SMIM18: variants seen among roughly 807,000 people sequenced by gnomAD.
SMIM18 encodes the protein small integral membrane protein 18.
In SMIM18, 4 loss-of-function variants were observed where a neutral mutation model predicts 5.9. The observed-to-expected ratio is 0.68, with a 90% CI of 0.33 to 1.56. The LOEUF is 1.56. Among genes scored for constraint, SMIM18 ranks in the 40% most tolerant of loss-of-function variants. SMIM18 has a pLI of 0.06. For missense variants in SMIM18, 89 were observed against 109.7 expected, an observed-to-expected ratio of 0.81 and a Z score of 0.84; for synonymous variants, 37 against 37.4, an observed-to-expected ratio of 0.99 and a Z score of 0.04.
In SMIM18 at chr8:30,644,479, AT is replaced by A. The variant is rs748235072; in HGVS notation, c.-110-8del. On this transcript the variant is annotated splice_polypyrimidine_tract_variant and intron_variant, in intron 1 of 2. Transcript: ENST00000517349. ...CATTATTTGGTTTTCTTTCTCTACT[AT>A]TTTTCACTCAGCCACTATTTCTGAT... 6.6e-6 allele frequency: 1 copy of A among 151,950 alleles called. No homozygotes were observed. The highest frequency in any genetic ancestry group is 1.9e-4 in the East Asian group (1 of 5,194). 9.4% of individuals were successfully genotyped at this position (151,950 alleles called of 1,614,324 possible).
At position 30,645,449 on chromosome 8, in the gene SMIM18, T is replaced by C; in HGVS notation, c.140T>C (p.Val47Ala). 3 of 1,535,708 alleles carry C rather than the reference T, an allele frequency of 2.0e-6. No individual in the cohort carries two copies. The highest frequency in any genetic ancestry group is 1.7e-4 in the Middle Eastern group (1 of 5,990). The change falls in exon 3 of 3, where the codon GTA (valine) becomes GCA (alanine). Residue 47 changes from valine (V) to alanine (A), a missense_variant. Val to Ala is a moderately conservative substitution (Grantham distance 64). Transcript: ENST00000517349. Reference protein sequence around the residue: ...VILLLFIFTVVSLVVLAFLYE... With the variant: ...VILLLFIFTVASLVVLAFLYE... ...CTGCTTTTATTTATATTTACAGTGG[T>C]ATCTTTAGTGGTGCTGGCTTTCCTT...
At chr8:30,638,701 T>C (rs1371539843) in intron 1 of SMIM18, 62 bp downstream of exon 1, 1 of 152,584 alleles carries the variant, frequency 6.6e-6, no homozygotes, top group Non-Finnish European at 1.5e-5. Flanking sequence ...TAGGAAAATA[T>C]TTTACCCTGA....
chr8:30,644,880 A>G (rs1018097529), intron 2 of SMIM18, among the ~76,000 whole-genome samples: 5 of 151,906 alleles, frequency 3.3e-5, no homozygotes, highest in Non-Finnish European at 7.4e-5. Flanking sequence ...CCTCCCAAGC[A>G]GCTGGGACTA....
rs1432875170 is a variant in SMIM18 at position 30,645,792 on chromosome 8, T to A, written c.*195T>A. ...CATTTCATTAAATATACAGTAAAAC[T>A]TCATGAATGTGAATTTACTAATCTG... On this transcript the variant is annotated 3_prime_UTR_variant, in exon 3 of 3. Coordinates refer to ENST00000517349, the MANE Select transcript of SMIM18 (RefSeq NM_001206847.2). The A allele has an allele frequency of 1.8e-6, 1 of 553,738 alleles. No homozygotes were observed. The highest frequency in any genetic ancestry group is 3.4e-5 in the Admixed American group (1 of 29,372). The allele number at this position is 553,738 out of a possible 1,614,324, so 34.3% of individuals were successfully genotyped here.
rs567755476 is a variant in SMIM18 at position 30,643,073 on chromosome 8, C to A, written c.-110-1419C>A. Among the ~76,000 whole-genome samples, 6 of 152,134 alleles carry A rather than the reference C, an allele frequency of 3.9e-5. No individual in the cohort carries two copies. The South Asian group carries it at 1.2e-3, about 32-fold the overall frequency. ...CCATCCAGAGAGGTGAAGTGACTTA[C>A]CAAGCAAACCTAAGAAAACAAAAAC... On this transcript the variant is annotated intron_variant, in intron 1 of 2. Coordinates refer to ENST00000517349, the MANE Select transcript of SMIM18 (RefSeq NM_001206847.2).
chr8:30,640,902 G>A (rs1801797206), intron 1 of SMIM18, among the ~76,000 whole-genome samples: 1 of 152,122 alleles, frequency 6.6e-6, no homozygotes, highest in Admixed American at 6.5e-5. Context: ...ACGGAGTTTC[G>A]CCATGTTGGT....
Position 30,645,499 on chromosome 8 carries a change from T to C in SMIM18, c.190T>C (p.Cys64Arg), listed in dbSNP as rs1417768590. The change falls in exon 3 of 3, where the codon TGT becomes CGT. Residue 64 changes from cysteine (C) to arginine (R), a missense_variant. Transcript: ENST00000517349. ...FLYEVLDCCC[C>R]VKNKTVKDLK... is the part of the protein sequence containing the mutation. ...TTATGAAGTGCTTGACTGCTGCTGC[T>C]GTGTAAAAAACAAAACCGTGAAAGA... 2.0e-5 allele frequency: 30 copies of C among 1,535,674 alleles called. No individual in the cohort carries two copies. Among genetic ancestry groups the C allele is most frequent in the Non-Finnish European group, 2.6e-5 (30 of 1,146,892 alleles).
chr8:30,639,695 T>C (rs1331164479), intron 1 of SMIM18, among the ~76,000 whole-genome samples: 3 of 152,170 alleles, frequency 2.0e-5, no homozygotes, highest in South Asian at 4.1e-4. Context: ...CTATATACTA[T>C]ATCGGACCTA....
chr8:30,641,769 C>T (rs1801842872), intron 1 of SMIM18, among the ~76,000 whole-genome samples: 2 of 152,164 alleles, frequency 1.3e-5, no homozygotes, highest in African/African-American at 2.4e-5. Flanking sequence ...CCCAACTATT[C>T]GGGAGGCTGA....
intron 2 of SMIM18, among the ~76,000 whole-genome samples, chr8:30,644,922 TG>T (rs1368057261): frequency 6.6e-6 from 1 of 152,050 alleles, no homozygotes; most frequent in African/African-American, 2.4e-5. Context: ...GGCTAATTTT[TG>T]TATGTTTTGT....
At chr8:30,643,732 A>G (rs1323029714) in intron 1 of SMIM18, 2 of 151,604 alleles carry the variant, frequency 1.3e-5, no homozygotes, top group East Asian at 1.9e-4. Flanking sequence ...CTCACCTTTT[A>G]CTAAAGATTT....
intron 2 of SMIM18, 59 bp downstream of exon 2, chr8:30,644,631 T>TA (rs1801994265): frequency 6.6e-6 from 1 of 152,176 alleles, no homozygotes; most frequent in Admixed American, 6.5e-5. Flanking sequence ...TTGAAGAACA[T>TA]AACCTTAAAA....
intron 1 of SMIM18, among the ~76,000 whole-genome samples, chr8:30,644,203 A>G (rs1483651814): frequency 2.0e-5 from 3 of 152,216 alleles, no homozygotes; most frequent in South Asian, 4.1e-4. Flanking sequence ...AAGAGCTAAC[A>G]AGTACCAGGT....
intron 1 of SMIM18, 108 bp from the exon 2 acceptor site, chr8:30,644,372 CTATCATTTATAA>C (rs1298921171): frequency 2.6e-5 from 4 of 152,266 alleles, no homozygotes; most frequent in African/African-American, 9.6e-5. Context: ...ACACTTAAGA[CTATCATTTATAA>C]CCCCAAGATT....
chr8:30,638,931 G>A (rs1177846662), intron 1 of SMIM18, among the ~76,000 whole-genome samples: 1 of 151,978 alleles, frequency 6.6e-6, no homozygotes, highest in Non-Finnish European at 1.5e-5. Flanking sequence ...ATTTTAACTG[G>A]TTACTTGCTA....
At chr8:30,643,474 T>C (rs765965484) in intron 1 of SMIM18, 3 of 152,088 alleles carry the variant, frequency 2.0e-5, no homozygotes, top group Non-Finnish European at 4.4e-5. Context: ...CTGACCAACA[T>C]GGTAAAACCC....
chr8:30,645,699 T>C lies in SMIM18; in HGVS notation c.*102T>C, dbSNP rs1309113938. The stretch of plus-strand genomic sequence containing the variant: ...CTGTTGCTACAAAACAAATTCTGAC[T>C]GAATGGTTAAAACATTTCTAGTAGA... On this transcript the variant is annotated 3_prime_UTR_variant, in exon 3 of 3. Coordinates refer to ENST00000517349, the MANE Select transcript of SMIM18 (RefSeq NM_001206847.2). 1.6e-5 allele frequency: 19 copies of C among 1,187,790 alleles called. No homozygotes were observed. Among genetic ancestry groups the C allele is most frequent in the South Asian group, 8.1e-5 (5 of 61,694 alleles). 73.6% of individuals were successfully genotyped at this position (1,187,790 alleles called of 1,614,324 possible).
In SMIM18 at chr8:30,639,646, C is replaced by G. The variant is rs188323832; in HGVS notation, c.-111+1007C>G. ...AATTTCTAATTTTATACTATTCAAG[C>G]ATGAAAATTTAGTTATTTACTAGAT... On this transcript the variant is annotated intron_variant, in intron 1 of 2. Transcript: ENST00000517349. 1.3e-3 allele frequency among the ~76,000 whole-genome samples: 202 copies of G among 152,166 alleles called. 2 individuals carry two copies. Among genetic ancestry groups the G allele is most frequent in the South Asian group, 0.012 (59 of 4,818 alleles).
In SMIM18 at chr8:30,645,763, T is replaced by C. The variant is rs963685108; in HGVS notation, c.*166T>C. 7 of 628,456 alleles carry C rather than the reference T, an allele frequency of 1.1e-5. No homozygotes were observed. The highest frequency in any genetic ancestry group is 2.8e-5 in the East Asian group (1 of 36,184). 38.9% of individuals were successfully genotyped at this position (628,456 alleles called of 1,614,324 possible). On this transcript the variant is annotated 3_prime_UTR_variant, in exon 3 of 3. Transcript: ENST00000517349. ...GTTAAACATGCACTGTTTGTGTGTATAGCCATTTCATTAAATATACAGTAA... is the reference window on the plus strand; with the variant it reads ...GTTAAACATGCACTGTTTGTGTGTACAGCCATTTCATTAAATATACAGTAA...
Sources: allele counts gnomAD v4.1 joint callset (sites outside exome capture counted in the v4.1 genomes callset), GRCh38; gene constraint gnomAD v4.1.1; transcripts MANE v1.5; gene names NCBI Gene and HGNC (gene_info 2026-07-23, HGNC 2026-07-21).